SDK1: variants seen among roughly 807,000 people sequenced by gnomAD.
SDK1 encodes protein sidekick-1.
SDK1 carries 157 observed loss-of-function variants against 245.5 expected under a neutral mutation model. The ratio of observed to expected loss-of-function variants is 0.64; its 90% CI spans 0.56 to 0.73. The LOEUF (loss-of-function observed/expected upper bound fraction) is 0.73, where lower values mean the gene tolerates loss of function less well. Among genes scored for constraint, SDK1 ranks in the 30% least tolerant of loss-of-function variants. The pLI, the probability that SDK1 is intolerant of heterozygous loss-of-function variation, is 0.00. For synonymous variants in SDK1, 1,647 were observed against 1,278.5 expected, an observed-to-expected ratio of 1.29 and a Z score of -6.15; for missense variants, 3,583 against 3,002.3, an observed-to-expected ratio of 1.19 and a Z score of -4.52.
Position 3,571,546 on chromosome 7 carries a change from C to G in SDK1, c.299-47534C>G, listed in dbSNP as rs148307535. ...TCTTAAACTCCTGAGCTCAAGTGATCTTCCTGCCTTAGCCTCCCAAAGTGT... is the reference window on the plus strand; with the variant it reads ...TCTTAAACTCCTGAGCTCAAGTGATGTTCCTGCCTTAGCCTCCCAAAGTGT... On this transcript the variant is annotated intron_variant, in intron 1 of 44. Transcript: ENST00000404826. Among the ~76,000 whole-genome samples, 3 of 152,152 alleles carry G rather than the reference C, an allele frequency of 2.0e-5. No individual in the cohort carries two copies. In the East Asian group the frequency reaches 5.8e-4, roughly 29 times the overall value.
intron 2 of SDK1, among the ~76,000 whole-genome samples, chr7:3,621,562 T>C (rs1781938953): frequency 6.6e-6 from 1 of 152,200 alleles, no homozygotes; most frequent in African/African-American, 2.4e-5. Flanking sequence ...GGGAAAGGAA[T>C]TGTTTCCTAG....
intron 4 of SDK1, among the ~76,000 whole-genome samples, chr7:3,813,174 A>G (rs1779426206): frequency 6.7e-6 from 1 of 150,184 alleles, no homozygotes; most frequent in South Asian, 2.1e-4. Flanking sequence ...GGTTAGTTAC[A>G]TATGTATACA....
In SDK1 at chr7:4,139,737, A is replaced by ATGTG. The variant is rs753347309; in HGVS notation, c.4229-5967_4229-5964dup. On this transcript the variant is annotated intron_variant, in intron 28 of 44. Transcript: ENST00000404826. ...TGTGTGTGTATGTGTGTGTGTGTGTATGTGTGTGTGTGTGTGTGTGTATAA... is the reference window on the plus strand; with the variant it reads ...TGTGTGTGTATGTGTGTGTGTGTGTATGTGTGTGTGTGTGTGTGTGTGTGTATAA... 8.5e-3 allele frequency among the ~76,000 whole-genome samples: 535 copies of ATGTG among 63,126 alleles called. 25 individuals are homozygous for ATGTG. Among genetic ancestry groups the ATGTG allele is most frequent in the African/African-American group, 0.027 (518 of 19,116 alleles). The allele number at this position is 63,126 out of a possible 152,430, so 41.4% of individuals were successfully genotyped here.
At chr7:4,203,523 A>AT (rs150885926) in intron 35 of SDK1, among the ~76,000 whole-genome samples, 16 of 122,932 alleles carry the variant, frequency 1.3e-4, no homozygotes, top group Middle Eastern at 4.4e-3. Context: ...AATTTCATGT[A>AT]TTTTTTTTTT....
chr7:4,180,722 C>T (rs1782556477), intron 35 of SDK1, among the ~76,000 whole-genome samples: 2 of 152,230 alleles, frequency 1.3e-5, no homozygotes, highest in African/African-American at 4.8e-5. Context: ...AGCTTCCAAT[C>T]ATGGTGGAAG....
chr7:3,802,699 G>C (rs998390085), intron 4 of SDK1, among the ~76,000 whole-genome samples: 5 of 152,110 alleles, frequency 3.3e-5, no homozygotes, highest in African/African-American at 1.2e-4. Context: ...TATGTAAGTG[G>C]ACCCTACATT....
At chr7:3,518,558 T>C (rs1293432901) in intron 1 of SDK1, among the ~76,000 whole-genome samples, 1 of 151,852 alleles carries the variant, frequency 6.6e-6, no homozygotes, top group Non-Finnish European at 1.5e-5. Context: ...TACATATACA[T>C]GAGCAACAAA....
chr7:3,600,096 T>C (rs1025754098), intron 1 of SDK1, among the ~76,000 whole-genome samples: 3 of 152,262 alleles, frequency 2.0e-5, no homozygotes, highest in African/African-American at 7.2e-5. Context: ...GTCTTTTTGA[T>C]TTCTGTTACC....
At chr7:4,120,750 G>T (rs1354596856) in intron 25 of SDK1, among the ~76,000 whole-genome samples, 1 of 151,920 alleles carries the variant, frequency 6.6e-6, no homozygotes, top group Admixed American at 6.6e-5. Flanking sequence ...CCAAGTAGCT[G>T]GGATTACAGG....
At chr7:4,253,322 G>A (rs867561815) in intron 44 of SDK1, among the ~76,000 whole-genome samples, 1 of 151,960 alleles carries the variant, frequency 6.6e-6, no homozygotes, top group Non-Finnish European at 1.5e-5. Flanking sequence ...GTTTTAATAT[G>A]TTGTGTTTTT....
intron 27 of SDK1, among the ~76,000 whole-genome samples, chr7:4,131,512 G>A (rs900537848): frequency 9.8e-5 from 15 of 152,294 alleles, no homozygotes; most frequent in Middle Eastern, 3.4e-3. Context: ...AGACGTCAGC[G>A]GCCCAGAACG....
In SDK1 at chr7:3,465,537, AT is replaced by A. The variant is rs374363155; in HGVS notation, c.299-153542del. On this transcript the variant is annotated intron_variant, in intron 1 of 44. Transcript: ENST00000404826. ...ACAGAAGCTTCCTTTTCTTCCTTGA[AT>A]GGCTTTGCACTGCTCTCATTGCTAG... Among the ~76,000 whole-genome samples the A allele has an allele frequency of 3.2e-4, 49 of 152,184 alleles. No individual in the cohort carries two copies. In the East Asian group the frequency reaches 8.5e-3, roughly 26 times the overall value.
intron 35 of SDK1, among the ~76,000 whole-genome samples, chr7:4,184,002 A>G (rs887402243): frequency 2.0e-5 from 3 of 152,204 alleles, no homozygotes; most frequent in Non-Finnish European, 4.4e-5. Context: ...TTCTGTGTTT[A>G]CACTGCAGAG....
chr7:3,747,275 G>A (rs1000996045), intron 4 of SDK1, among the ~76,000 whole-genome samples: 3 of 152,172 alleles, frequency 2.0e-5, no homozygotes, highest in South Asian at 2.1e-4. Flanking sequence ...CCAACATTTA[G>A]TTTCTACTAC....
At position 3,866,906 on chromosome 7, in the gene SDK1, C is replaced by T. The variant is rs542554776; in HGVS notation, c.847+45323C>T. Among the ~76,000 whole-genome samples, 116 of 152,284 alleles carry T rather than the reference C, an allele frequency of 7.6e-4. 1 individual carries two copies. Among genetic ancestry groups the T allele is most frequent in the Middle Eastern group, 3.4e-3 (1 of 294 alleles). On this transcript the variant is annotated intron_variant, in intron 5 of 44. Transcript: ENST00000404826. ...TGGGAGCTGGACTGCCGAGAGAACA[C>T]GTGGCCTCCATCCACAGCCCTCAGC...
chr7:4,252,831 C>CG (rs1298338187), intron 44 of SDK1, among the ~76,000 whole-genome samples: 17 of 150,472 alleles, frequency 1.1e-4, no homozygotes, highest in African/African-American at 2.7e-4. Context: ...GTTTCCCCCC[C>CG]CCTCTTTTTT....
At chr7:4,199,902 C>G (rs1783790668) in intron 35 of SDK1, among the ~76,000 whole-genome samples, 1 of 152,188 alleles carries the variant, frequency 6.6e-6, no homozygotes, top group Non-Finnish European at 1.5e-5. Context: ...TCCTCACTGA[C>G]ACACCTGCCA....
intron 1 of SDK1, among the ~76,000 whole-genome samples, chr7:3,499,372 T>C (rs577465081): frequency 6.6e-6 from 1 of 152,204 alleles, no homozygotes; most frequent in East Asian, 1.9e-4. Flanking sequence ...GTGTTTTTTT[T>C]AATTGTCAGA....
At chr7:3,831,095 A>G (rs1426067617) in intron 5 of SDK1, among the ~76,000 whole-genome samples, 1 of 152,184 alleles carries the variant, frequency 6.6e-6, no homozygotes, top group Non-Finnish European at 1.5e-5. Context: ...GGGGGATGGA[A>G]AATTGAATTT....
Sources: gnomAD v4.1 joint callset for allele counts (sites outside exome capture counted in the v4.1 genomes callset) on GRCh38, gnomAD v4.1.1 for gene constraint, MANE v1.5 for transcripts, NCBI Gene and HGNC (gene_info 2026-07-23, HGNC 2026-07-21) for gene names.